The following MEGF10 variants were observed in gnomAD, a reference collection of about 807,000 sequenced individuals.
The protein encoded by MEGF10 is multiple EGF like domains 10, also known as multiple epidermal growth factor-like domains protein 10.
In MEGF10, 86 loss-of-function variants were observed where a neutral mutation model predicts 147.5. The ratio of observed to expected loss-of-function variants is 0.58; its 90% confidence interval spans 0.49 to 0.70. The LOEUF is 0.70. Among genes scored for constraint, MEGF10 ranks in the 30% least tolerant of loss-of-function variants. The pLI, the probability that MEGF10 is intolerant of heterozygous loss-of-function variation, is 0.00. For synonymous variants in MEGF10, 478 were observed against 525.5 expected (o/e 0.91, Z 1.24); for missense variants, 1,329 against 1,487.3 (o/e 0.89, Z 1.75).
intron 1 of MEGF10, among the ~76,000 whole-genome samples, chr5:127,292,338 C>A (rs1477646842): frequency 1.3e-5 from 2 of 152,274 alleles, no homozygotes; most frequent in East Asian, 3.9e-4. Flanking sequence ...TTACATCAGA[C>A]AATTGTTAAA....
chr5:127,285,546 A>G, the MEGF10 span, among the ~76,000 whole-genome samples: 1 of 152,138 alleles, frequency 6.6e-6, no homozygotes, highest in African/African-American at 2.4e-5. Flanking sequence ...TAAAGATAGT[A>G]AAAATTAGTA....
In MEGF10 at chr5:127,419,136, C is replaced by T. The variant is rs1160030961; in HGVS notation, c.1322C>T (p.Thr441Ile). 2 of 1,613,714 alleles carry T rather than the reference C, an allele frequency of 1.2e-6. No individual in the cohort carries two copies. The highest frequency in any genetic ancestry group is 1.7e-6 in the Non-Finnish European group (2 of 1,179,920). Residue 441 changes from threonine to isoleucine, a missense_variant, in exon 11 of 25, where the codon ACC becomes ATC. Thr to Ile is a moderately conservative substitution (Grantham distance 89). This residue lies in a region of MEGF10 where 980 missense variants were observed against 1,085.9 expected (regional missense o/e 0.90). Transcript: ENST00000503335. ...APGFKGIDCSTPCPLGTYGIN... is the reference protein window; with the variant it reads ...APGFKGIDCSIPCPLGTYGIN... ...CCTGTCTAGGGAATTGACTGCTCTA[C>T]CCCATGCCCTCTGGGAACCTATGGG... is the stretch of plus-strand genomic sequence containing the variant.
At chr5:127,311,167 T>A (rs555108220) in intron 1 of MEGF10, among the ~76,000 whole-genome samples, 1 of 152,352 alleles carries the variant, frequency 6.6e-6, no homozygotes, top group East Asian at 1.9e-4. Context: ...CAGTTTCTCA[T>A]ACTTTACTCA....
chr5:127,441,998 C>G (rs553343349), intron 18 of MEGF10, among the ~76,000 whole-genome samples: 1 of 152,218 alleles, frequency 6.6e-6, no homozygotes, highest in Non-Finnish European at 1.5e-5. Flanking sequence ...GTCATGAAAA[C>G]AGATCCTGAC....
chr5:127,246,274 C>T, the MEGF10 span, among the ~76,000 whole-genome samples: 552 of 152,070 alleles, frequency 3.6e-3, 2 homozygotes, highest in African/African-American at 0.012. Context: ...ACTATGCAGC[C>T]GTAAGAAGAA....
chr5:127,391,105 CA>C, intron 5 of MEGF10, among the ~76,000 whole-genome samples: 1 of 24,160 alleles, frequency 4.1e-5, no homozygotes, highest in Non-Finnish European at 1.5e-4. Context: ...CGCGCGCGCA[CA>C]CACACACACA....
chr5:127,398,866 C>T lies in MEGF10; in HGVS notation c.780+70C>T, dbSNP rs915496788. 8 of 1,590,362 alleles carry T rather than the reference C, an allele frequency of 5.0e-6. No homozygotes were observed. In the African/African-American group the frequency reaches 9.4e-5, roughly 19 times the overall value. On this transcript the variant is annotated intron_variant, in intron 7 of 24. Coordinates refer to ENST00000503335, the MANE Select transcript of MEGF10 (RefSeq NM_001256545.2). Reference sequence around the variant, plus strand: ...CATTCCAGGATACTCAGTGCATACACATGCAGGAGACTTTAGCACAAAGGA... The same window carrying T: ...CATTCCAGGATACTCAGTGCATACATATGCAGGAGACTTTAGCACAAAGGA...
At chr5:127,276,492 G>C in the MEGF10 span, among the ~76,000 whole-genome samples, 1 of 152,204 alleles carries the variant, frequency 6.6e-6, no homozygotes, top group Non-Finnish European at 1.5e-5. Context: ...ACTGAGAGCT[G>C]TGTTTGGGCA....
chr5:127,341,328 A>G (rs1400064498), intron 4 of MEGF10, among the ~76,000 whole-genome samples: 1 of 152,318 alleles, frequency 6.6e-6, no homozygotes, highest in East Asian at 1.9e-4. Context: ...TTTGAGTATT[A>G]TGGCTCAACA....
rs141928408 is a variant in MEGF10 at position 127,367,098 on chromosome 5, G to T, written c.320-2812G>T. On this transcript the variant is annotated intron_variant, in intron 4 of 24. Transcript: ENST00000503335. Reference sequence around the variant, plus strand: ...GTGGAACTCAATTGGTGTCATCCTGGAGTTAAGAGTCAACACAACTACAAT... The same window carrying T: ...GTGGAACTCAATTGGTGTCATCCTGTAGTTAAGAGTCAACACAACTACAAT... 3.0e-4 allele frequency among the ~76,000 whole-genome samples: 45 copies of T among 152,230 alleles called. No individual in the cohort carries two copies. In the East Asian group the frequency reaches 3.7e-3, roughly 12 times the overall value.
At chr5:127,231,243 C>T in the MEGF10 span, among the ~76,000 whole-genome samples, 8 of 152,206 alleles carry the variant, frequency 5.3e-5, no homozygotes, top group African/African-American at 1.7e-4. Flanking sequence ...TCAAATAAAT[C>T]TCATACTCTT....
At chr5:127,417,841 G>A (rs1367621506) in intron 10 of MEGF10, 29 bp downstream of exon 10, 3 of 1,607,082 alleles carry the variant, frequency 1.9e-6, no homozygotes, top group East Asian at 4.5e-5. Context: ...GGAGGAAGGA[G>A]AAGAGGGGTG....
upstream of MEGF10, among the ~76,000 whole-genome samples, chr5:127,286,346 C>T (rs1759027706): frequency 6.6e-6 from 1 of 151,934 alleles, no homozygotes; most frequent in Admixed American, 6.6e-5. Flanking sequence ...GATAAATGCT[C>T]AAGGTGATGA....
At chr5:127,274,303 G>A in the MEGF10 span, among the ~76,000 whole-genome samples, 1 of 152,048 alleles carries the variant, frequency 6.6e-6, no homozygotes, top group East Asian at 1.9e-4. Flanking sequence ...ATAATTTTGT[G>A]AAAAATTTTT....
chr5:127,336,649 C>T (rs141338990), intron 2 of MEGF10, among the ~76,000 whole-genome samples: 8 of 152,216 alleles, frequency 5.3e-5, no homozygotes, highest in African/African-American at 1.9e-4. Flanking sequence ...ACATTTTGCA[C>T]TCCAAGGCAC....
Position 127,458,513 on chromosome 5 carries a change from T to C in MEGF10, c.*1195T>C, listed in dbSNP as rs929833528. The C allele has an allele frequency of 6.6e-6, 1 of 152,230 alleles. No homozygotes were observed. Among genetic ancestry groups the C allele is most frequent in the Non-Finnish European group, 1.5e-5 (1 of 68,042 alleles). The allele number at this position is 152,230 out of a possible 1,614,324, so 9.4% of individuals were successfully genotyped here. A position where few individuals can be genotyped will look rare whatever the true frequency, so the allele number is the denominator to read the frequency against. ...GGATTGTTAATGAAAAAATATTATA[T>C]GTTCGTTATTCCTTGTATTATTGCC... On this transcript the variant is annotated 3_prime_UTR_variant, in exon 25 of 25. Transcript: ENST00000503335.
At chr5:127,392,096 TC>T (rs1763722643) in intron 5 of MEGF10, among the ~76,000 whole-genome samples, 1 of 152,230 alleles carries the variant, frequency 6.6e-6, no homozygotes, top group African/African-American at 2.4e-5. Context: ...AGATCGGTTC[TC>T]AAAAGTGTGC....
At chr5:127,306,257 T>A (rs893096255) in intron 1 of MEGF10, among the ~76,000 whole-genome samples, 10 of 152,222 alleles carry the variant, frequency 6.6e-5, no homozygotes, top group African/African-American at 2.2e-4. Flanking sequence ...AGTGGCTGAC[T>A]GTGCCCTCTC....
intron 8 of MEGF10, among the ~76,000 whole-genome samples, chr5:127,403,352 G>A (rs1170840918): frequency 6.6e-6 from 1 of 152,090 alleles, no homozygotes; most frequent in East Asian, 1.9e-4. Context: ...TACATGAGAT[G>A]TTTTGATACA....
Sources: gnomAD v4.1 joint callset for allele counts (sites outside exome capture counted in the v4.1 genomes callset) on GRCh38, gnomAD v4.1.1 for gene constraint, gnomAD v4.1.1 regional missense constraint, MANE v1.5 for transcripts, NCBI Gene and HGNC (gene_info 2026-07-23, HGNC 2026-07-21) for gene names.